PCDH9: variants seen among roughly 807,000 people sequenced by gnomAD.
PCDH9 encodes the protein protocadherin 9, also known as protocadherin-9.
Under a neutral mutation model 70.6 loss-of-function variants are expected in PCDH9, and 24 were observed. The ratio of observed to expected loss-of-function variants is 0.34; its 90% confidence interval spans 0.25 to 0.48. The LOEUF is 0.48. Among genes scored for constraint, PCDH9 ranks in the 20% least tolerant of loss-of-function variants. The pLI is 0.99. For synonymous variants in PCDH9, 562 were observed against 558.5 expected (o/e 1.01, Z -0.09); for missense variants, 1,281 against 1,503.6 (o/e 0.85, Z 2.45).
intron 3 of PCDH9, among the ~76,000 whole-genome samples, chr13:66,865,352 C>A (rs1331583179): frequency 2.0e-5 from 3 of 152,094 alleles, no homozygotes; most frequent in African/African-American, 7.2e-5. Flanking sequence ...TGTTGTATTT[C>A]ATTATTTTTA....
chr13:66,851,971 C>T (rs971600093), intron 3 of PCDH9, among the ~76,000 whole-genome samples: 1 of 151,942 alleles, frequency 6.6e-6, no homozygotes, highest in Non-Finnish European at 1.5e-5. Context: ...CTTCATATGG[C>T]CTTTCCTCTG....
chr13:67,179,550 G>C (rs1302845734), intron 2 of PCDH9, among the ~76,000 whole-genome samples: 1 of 151,916 alleles, frequency 6.6e-6, no homozygotes, highest in African/African-American at 2.4e-5. Context: ...TAACAAACCA[G>C]GTTAAGCACA....
chr13:67,069,596 G>A (rs924353136), intron 2 of PCDH9, among the ~76,000 whole-genome samples: 7 of 152,128 alleles, frequency 4.6e-5, no homozygotes, highest in Admixed American at 1.3e-4. Context: ...CCCAGTCCAT[G>A]CTGAGAATGA....
Position 66,519,879 on chromosome 13 carries a change from G to A in PCDH9, c.3340+111331C>T, listed in dbSNP as rs532567420. ...TTCTCTTCTTACTCGACTGGTCGAC[G>A]GCAGTCCTATTAAAACAGAATCTAC... On this transcript the variant is annotated intron_variant, in intron 4 of 4. Coordinates refer to ENST00000377865, the MANE Select transcript of PCDH9 (RefSeq NM_203487.3). Among the ~76,000 whole-genome samples, 10 of 150,302 alleles carry A rather than the reference G, an allele frequency of 6.7e-5. No individual in the cohort carries two copies. In the South Asian group the frequency reaches 1.1e-3, roughly 16 times the overall value.
intron 2 of PCDH9, among the ~76,000 whole-genome samples, chr13:67,073,766 C>T (rs1330684321): frequency 6.6e-6 from 1 of 152,114 alleles, no homozygotes; most frequent in Middle Eastern, 3.4e-3. Context: ...TGGTAACTTT[C>T]ATTTTGTATG....
rs563647841 is a variant in PCDH9, at chr13:66,419,805, C to T, written c.3341-114777G>A. The stretch of plus-strand genomic sequence containing the variant: ...TCCCCCAGTGGCACTGTAACACCAG[C>T]GAAACAGAACTGTTCACTACCCTGG... On this transcript the variant is annotated intron_variant, in intron 4 of 4. Transcript: ENST00000377865. Among the ~76,000 whole-genome samples, 185 of 150,546 alleles carry T rather than the reference C, an allele frequency of 1.2e-3. 1 individual carries two copies. The highest frequency in any genetic ancestry group is 2.1e-3 in the Non-Finnish European group (140 of 67,772).
intron 2 of PCDH9, among the ~76,000 whole-genome samples, chr13:67,116,216 A>G (rs748754028): frequency 2.3e-4 from 35 of 152,336 alleles, no homozygotes; most frequent in Non-Finnish European, 3.4e-4. Context: ...TGATCACAAC[A>G]TCAACCAGAG....
chr13:66,691,380 G>A (rs1365650297), intron 3 of PCDH9, among the ~76,000 whole-genome samples: 1 of 152,096 alleles, frequency 6.6e-6, no homozygotes, highest in African/African-American at 2.4e-5. Context: ...TACTTCCATT[G>A]ACATAGTTAG....
chr13:66,912,751 C>A (rs1429026182), intron 2 of PCDH9, among the ~76,000 whole-genome samples: 2 of 151,708 alleles, frequency 1.3e-5, no homozygotes, highest in African/African-American at 4.8e-5. Flanking sequence ...AAACCATATA[C>A]CTTACTAAGT....
chr13:67,030,141 C>T (rs892413980), intron 2 of PCDH9, among the ~76,000 whole-genome samples: 2 of 152,020 alleles, frequency 1.3e-5, no homozygotes, highest in African/African-American at 2.4e-5. Context: ...AGTGCAGTGG[C>T]ACTACATCAG....
At chr13:66,716,239 T>C (rs1043216041) in intron 3 of PCDH9, among the ~76,000 whole-genome samples, 4 of 152,198 alleles carry the variant, frequency 2.6e-5, no homozygotes, top group African/African-American at 9.7e-5. Flanking sequence ...TACAGAAAAA[T>C]AGCAGTATGT....
chr13:67,017,168 T>C (rs2084580167), intron 2 of PCDH9, among the ~76,000 whole-genome samples: 1 of 152,154 alleles, frequency 6.6e-6, no homozygotes, highest in Non-Finnish European at 1.5e-5. Flanking sequence ...TTTAGAAAAA[T>C]AGAATGATTT....
intron 4 of PCDH9, among the ~76,000 whole-genome samples, chr13:66,341,850 C>A (rs546497169): frequency 1.3e-5 from 2 of 152,098 alleles, no homozygotes; most frequent in African/African-American, 2.4e-5. Flanking sequence ...TGTCTCACTG[C>A]GCTCAAGGGA....
intron 4 of PCDH9, among the ~76,000 whole-genome samples, chr13:66,435,616 A>G (rs1008149425): frequency 6.6e-6 from 1 of 152,202 alleles, no homozygotes; most frequent in Non-Finnish European, 1.5e-5. Context: ...ATTATACAGC[A>G]AAGCAACTTT....
intron 2 of PCDH9, chr13:67,222,918 C>A (rs2089764008): frequency 6.6e-6 from 1 of 152,108 alleles, no homozygotes; most frequent in South Asian, 2.1e-4. Flanking sequence ...AAATATGCTT[C>A]TTTTATCCAA....
intron 3 of PCDH9, among the ~76,000 whole-genome samples, chr13:66,899,385 C>T (rs887490555): frequency 2.0e-5 from 3 of 151,990 alleles, no homozygotes; most frequent in East Asian, 3.8e-4. Context: ...TTCCACCAAT[C>T]TCCCTAACTC....
At chr13:66,395,355 C>A (rs553450282) in intron 4 of PCDH9, among the ~76,000 whole-genome samples, 1 of 152,260 alleles carries the variant, frequency 6.6e-6, no homozygotes, top group South Asian at 2.1e-4. Flanking sequence ...GTAATCCCAG[C>A]ACTTTGGGAG....
intron 3 of PCDH9, among the ~76,000 whole-genome samples, chr13:66,702,657 T>C (rs2078662065): frequency 6.6e-6 from 1 of 152,202 alleles, no homozygotes; most frequent in Admixed American, 6.5e-5. Flanking sequence ...ATTGTGGTAA[T>C]CACTTCATCA....
chr13:66,490,574 C>G (rs543329973), intron 4 of PCDH9, among the ~76,000 whole-genome samples: 1 of 152,138 alleles, frequency 6.6e-6, no homozygotes, highest in African/African-American at 2.4e-5. Context: ...TTTTATTTTA[C>G]TGGTTTTGTT....
Sources: gnomAD v4.1 joint callset for allele counts (sites outside exome capture counted in the v4.1 genomes callset) on GRCh38, gnomAD v4.1.1 for gene constraint, MANE v1.5 for transcripts, NCBI Gene and HGNC (gene_info 2026-07-23, HGNC 2026-07-21) for gene names.